Variants in ADD3 observed in about 807,000 individuals in gnomAD.
ADD3 encodes the protein adducin 3.
A neutral mutation model predicts 80.2 loss-of-function variants in ADD3; 25 were observed. That is an observed-to-expected ratio of 0.31 (90% CI 0.23 to 0.44). ADD3 has a LOEUF of 0.44. Among genes scored for constraint, ADD3 ranks in the 20% least tolerant of loss-of-function variants. ADD3 has a pLI of 1.00. For missense variants in ADD3, 829 were observed against 847.5 expected, an observed-to-expected ratio of 0.98 and a Z score of 0.27; for synonymous variants, 284 against 289.6, an observed-to-expected ratio of 0.98 and a Z score of 0.20.
chr10:110,013,688 A>G (rs1852593254), intron 1 of ADD3, among the ~76,000 whole-genome samples: 3 of 152,212 alleles, frequency 2.0e-5, no homozygotes, highest in South Asian at 4.1e-4. Flanking sequence ...TTAAGCTTCC[A>G]TACCTCTTTA....
intron 1 of ADD3, among the ~76,000 whole-genome samples, chr10:110,092,097 C>T (rs1480752158): frequency 1.3e-5 from 2 of 152,076 alleles, no homozygotes; most frequent in Non-Finnish European, 2.9e-5. Context: ...CAGATGTTGG[C>T]GAGGTTGTGG....
At chr10:110,052,180 T>G (rs2150209) in intron 1 of ADD3, among the ~76,000 whole-genome samples, 142,242 of 152,216 alleles carry the variant, frequency 0.93, 66,685 homozygotes, top group East Asian at 1. Flanking sequence ...TACCAATAAT[T>G]TTCTTTTATA....
chr10:110,088,561 C>T lies in ADD3; in HGVS notation c.-29-12064C>T, dbSNP rs1291893026. Among the ~76,000 whole-genome samples the T allele has an allele frequency of 5.9e-5, 9 of 152,276 alleles. No homozygotes were observed. The East Asian group carries it at 7.7e-4, about 13-fold the overall frequency. ...TGAAATGTTCCTTAGCAGCCAAAAT[C>T]GGAAGGCAGAAACTCCTCCTTCAAA... On this transcript the variant is annotated intron_variant, in intron 1 of 14. Coordinates refer to ENST00000356080, the MANE Select transcript of ADD3 (RefSeq NM_016824.5).
chr10:110,126,319 TG>T, intron 11 of ADD3, 97 bp from the exon 12 acceptor site: 2 of 897,408 alleles, frequency 2.2e-6, no homozygotes, highest in Non-Finnish European at 3.5e-6. Flanking sequence ...ACTCTCACTC[TG>T]GAAATGTCAA....
intron 1 of ADD3, among the ~76,000 whole-genome samples, chr10:110,019,075 C>T (rs940325546): frequency 3.3e-5 from 5 of 152,130 alleles, no homozygotes; most frequent in African/African-American, 9.7e-5. Context: ...CTGTATTTGT[C>T]CATCATTTAC....
At chr10:109,996,786 T>A (rs1401090977) in intron 1 of ADD3, among the ~76,000 whole-genome samples, 1 of 152,160 alleles carries the variant, frequency 6.6e-6, no homozygotes, top group Non-Finnish European at 1.5e-5. Flanking sequence ...GCAAGGTATT[T>A]AAATCATGCG....
chr10:110,112,876 A>G lies in ADD3; in HGVS notation c.295A>G (p.Met99Val), dbSNP rs1850223981. 6.2e-7 allele frequency: 1 copy of G among 1,613,788 alleles called. No individual in the cohort carries two copies. The highest frequency in any genetic ancestry group is 8.5e-7 in the Non-Finnish European group (1 of 1,179,882). Reference sequence around the variant, plus strand: ...ATTACAGCAGATTGCAGATTACATCATGGCCAATTCTTTCTCGGGTTTTTC... The same window carrying G: ...ATTACAGCAGATTGCAGATTACATCGTGGCCAATTCTTTCTCGGGTTTTTC... Reference protein sequence around the residue: ...LALQQIADYIMANSFSGFSSP... With the variant: ...LALQQIADYIVANSFSGFSSP... Residue 99 changes from methionine (M) to valine (V), a missense_variant, in exon 3 of 15, where the codon ATG becomes GTG. Met to Val is a conservative substitution (Grantham distance 21). Coordinates refer to ENST00000356080, the MANE Select transcript of ADD3 (RefSeq NM_016824.5).
At chr10:109,997,408 A>G (rs1268573770) in intron 1 of ADD3, 1 of 152,252 alleles carries the variant, frequency 6.6e-6, no homozygotes, top group African/African-American at 2.4e-5. Context: ...AAACAAAAAC[A>G]AACATTTACT....
chr10:110,036,968 T>C (rs888371952), intron 1 of ADD3, among the ~76,000 whole-genome samples: 13 of 152,162 alleles, frequency 8.5e-5, no homozygotes, highest in Admixed American at 8.5e-4. Context: ...TTAACTAGAC[T>C]AGTGCTTTTT....
At chr10:110,105,455 G>A (rs926225930) in intron 2 of ADD3, among the ~76,000 whole-genome samples, 2 of 152,190 alleles carry the variant, frequency 1.3e-5, no homozygotes, top group African/African-American at 4.8e-5. Flanking sequence ...ATGCATGGAT[G>A]GATAGAGAAT....
intron 2 of ADD3, among the ~76,000 whole-genome samples, chr10:110,104,549 ACT>A (rs1277533336): frequency 6.6e-6 from 1 of 152,150 alleles, no homozygotes; most frequent in Non-Finnish European, 1.5e-5. Flanking sequence ...ATTGGGATTC[ACT>A]CTGTTAAACA....
chr10:110,063,828 C>T (rs74154969), intron 1 of ADD3, among the ~76,000 whole-genome samples: 1,470 of 135,784 alleles, frequency 0.011, 31 homozygotes, highest in African/African-American at 0.039. Context: ...AACTAGAATG[C>T]TAGCAACACC....
upstream of ADD3, among the ~76,000 whole-genome samples, chr10:110,007,757 G>C (rs1041352032): frequency 2.6e-5 from 4 of 151,668 alleles, no homozygotes; most frequent in Non-Finnish European, 5.9e-5. Flanking sequence ...CAGGACTCCC[G>C]AGGGGCGCTC....
intron 1 of ADD3, among the ~76,000 whole-genome samples, chr10:110,063,522 A>T (rs1403545675): frequency 6.6e-6 from 1 of 151,612 alleles, no homozygotes; most frequent in African/African-American, 2.4e-5. Context: ...GTTTTGTGAG[A>T]AAGAGGATTT....
rs1851824863 is a variant in ADD3 at position 110,008,038 on chromosome 10, GA to G, written c.-289del. 3 of 152,170 alleles carry G rather than the reference GA, an allele frequency of 2.0e-5. No individual in the cohort carries two copies. 9.4% of individuals were successfully genotyped at this position (152,170 alleles called of 1,614,324 possible). A position where few individuals can be genotyped will look rare whatever the true frequency, so the allele number is the denominator to read the frequency against. On this transcript the variant is annotated 5_prime_UTR_variant, in exon 1 of 15. Coordinates refer to ENST00000356080, the MANE Select transcript of ADD3 (RefSeq NM_016824.5). ...GCCAGTGTGAGGGGCGGGAGGGAAAGAAGAGGGGTTTAAATTAGATTTTTTA... is the reference window on the plus strand; with the variant it reads ...GCCAGTGTGAGGGGCGGGAGGGAAAGAGAGGGGTTTAAATTAGATTTTTTA...
intron 1 of ADD3, among the ~76,000 whole-genome samples, chr10:110,098,105 T>C (rs1848387611): frequency 6.6e-6 from 1 of 152,178 alleles, no homozygotes; most frequent in African/African-American, 2.4e-5. Flanking sequence ...CTTGACATGA[T>C]TGAAGAGTAC....
At chr10:110,119,188 T>C (rs778608761) in intron 6 of ADD3, 23 bp from the exon 7 acceptor site, 5 of 1,612,226 alleles carry the variant, frequency 3.1e-6, no homozygotes, top group Non-Finnish European at 4.2e-6. Flanking sequence ...ATGTGTTATC[T>C]TGGTATGGGC....
intron 1 of ADD3, among the ~76,000 whole-genome samples, chr10:110,040,929 GCTCT>G (rs35429760): frequency 1.8e-4 from 24 of 133,934 alleles, no homozygotes; most frequent in East Asian, 8.7e-4. Flanking sequence ...TCTCTCTCTC[GCTCT>G]CTCTCTCTCT....
rs1430053550 is a variant in ADD3 at position 110,008,241 on chromosome 10, GC to G, written c.-85del. The stretch of plus-strand genomic sequence containing the variant: ...AGCGGCGGATCCGGCGGCTGCTGCA[GC>G]CCGGGCGGCTGCCGAGAAGGAGGGA... On this transcript the variant is annotated 5_prime_UTR_variant, in exon 1 of 15. Transcript: ENST00000356080. 3.3e-5 allele frequency: 5 copies of G among 152,280 alleles called. No homozygotes were observed. The highest frequency in any genetic ancestry group is 5.9e-5 in the Non-Finnish European group (4 of 68,112). 9.4% of individuals were successfully genotyped at this position (152,280 alleles called of 1,614,324 possible).
Sources: allele counts gnomAD v4.1 joint callset (sites outside exome capture counted in the v4.1 genomes callset), GRCh38; gene constraint gnomAD v4.1.1; transcripts MANE v1.5; gene names NCBI Gene and HGNC (gene_info 2026-07-23, HGNC 2026-07-21).